SCAPER: variants seen among roughly 807,000 people sequenced by gnomAD.
The protein encoded by SCAPER is S phase cyclin A-associated protein in the endoplasmic reticulum.
SCAPER carries 98 observed loss-of-function variants against 182.2 expected under a neutral mutation model. The ratio of observed to expected loss-of-function variants is 0.54; its 90% CI spans 0.46 to 0.64. The LOEUF (loss-of-function observed/expected upper bound fraction) is 0.64, where lower values mean the gene tolerates loss of function less well. SCAPER is among the 30% of genes least tolerant of loss of function. SCAPER has a pLI of 0.00. For synonymous variants in SCAPER, 605 were observed against 564.6 expected (o/e 1.07, Z -1.01); for missense variants, 1,432 against 1,690.0 (o/e 0.85, Z 2.68).
chr15:76,512,957 G>A (rs1412224322), intron 23 of SCAPER, among the ~76,000 whole-genome samples: 7 of 151,810 alleles, frequency 4.6e-5, no homozygotes. Context: ...TTCTGGTTAT[G>A]TGTACTTCTG....
Position 76,600,451 on chromosome 15 carries a change from ATAT to A in SCAPER, c.2711+21310_2711+21312del, listed in dbSNP as rs1450403252. Among the ~76,000 whole-genome samples the A allele has an allele frequency of 4.3e-4, 11 of 25,754 alleles. 1 individual carries two copies. Among genetic ancestry groups the A allele is most frequent in the Admixed American group, 9.9e-4 (1 of 1,008 alleles). The allele number at this position is 25,754 out of a possible 152,430, so 16.9% of individuals were successfully genotyped here. A position where few individuals can be genotyped will look rare whatever the true frequency, so the allele number is the denominator to read the frequency against. On this transcript the variant is annotated intron_variant, in intron 22 of 31. Coordinates refer to ENST00000563290, the MANE Select transcript of SCAPER (RefSeq NM_020843.4). ...TGTGTATACATATACATATATATAT[ATAT>A]TTTTTTTTTTTTGAGATGAAGTCTC...
intron 4 of SCAPER, among the ~76,000 whole-genome samples, chr15:76,843,065 T>G (rs1260228779): frequency 6.6e-6 from 1 of 152,242 alleles, no homozygotes; most frequent in African/African-American, 2.4e-5. Flanking sequence ...TTATCAAAAC[T>G]ACTACCATTC....
At chr15:76,486,011 T>C (rs968960776) in intron 24 of SCAPER, among the ~76,000 whole-genome samples, 1 of 151,962 alleles carries the variant, frequency 6.6e-6, no homozygotes, top group Non-Finnish European at 1.5e-5. Context: ...AGCAAGACCA[T>C]CCTGGCTAAC....
intron 26 of SCAPER, 46 bp from the exon 27 acceptor site, chr15:76,404,725 C>A: frequency 1.3e-6 from 2 of 1,565,930 alleles, no homozygotes; most frequent in South Asian, 2.3e-5. Flanking sequence ...AATAGGCCAG[C>A]AACATCTTCA....
At chr15:76,802,149 A>T (rs1197233370) in intron 6 of SCAPER, among the ~76,000 whole-genome samples, 2 of 152,130 alleles carry the variant, frequency 1.3e-5, no homozygotes, top group Non-Finnish European at 2.9e-5. Context: ...CAAGTTAAAT[A>T]AAAAAATGAA....
At chr15:76,521,787 G>A (rs908437831) in intron 23 of SCAPER, among the ~76,000 whole-genome samples, 4 of 152,078 alleles carry the variant, frequency 2.6e-5, no homozygotes, top group African/African-American at 9.7e-5. Flanking sequence ...TTAAATAAAT[G>A]TATTAAATTT....
intron 21 of SCAPER, among the ~76,000 whole-genome samples, chr15:76,632,666 TGGA>T (rs950091030): frequency 2.0e-4 from 31 of 152,250 alleles, no homozygotes; most frequent in African/African-American, 7.2e-4. Flanking sequence ...TGTGATCATT[TGGA>T]GGAGAAGAGG....
At chr15:76,448,021 TGAAAGAA>T (rs2048117611) in intron 25 of SCAPER, among the ~76,000 whole-genome samples, 1 of 152,044 alleles carries the variant, frequency 6.6e-6, no homozygotes, top group Non-Finnish European at 1.5e-5. Flanking sequence ...GGAAACAGCA[TGAAAGAA>T]GACAGAAGAG....
At chr15:76,873,274 AAAGGAAGGAAGGAAGG>A (rs1186656853) in intron 2 of SCAPER, among the ~76,000 whole-genome samples, 76 of 105,662 alleles carry the variant, frequency 7.2e-4, no homozygotes, top group African/African-American at 2.3e-3. Context: ...AAAGAAAGGA[AAAGGAAGGAAGGAAGG>A]AAGGAAGGAA....
intron 2 of SCAPER, among the ~76,000 whole-genome samples, chr15:76,865,226 A>G (rs535018695): frequency 3.9e-5 from 6 of 152,308 alleles, no homozygotes; most frequent in East Asian, 1.9e-4. Context: ...ACACTTAAGC[A>G]TATCACAGAA....
intron 24 of SCAPER, among the ~76,000 whole-genome samples, chr15:76,483,584 T>G (rs2051329087): frequency 6.6e-6 from 1 of 151,976 alleles, no homozygotes. Flanking sequence ...AGGAGAAAAA[T>G]ACATGGAAAA....
chr15:76,566,682 A>G (rs1292536517), intron 23 of SCAPER, among the ~76,000 whole-genome samples: 1 of 152,150 alleles, frequency 6.6e-6, no homozygotes, highest in Non-Finnish European at 1.5e-5. Flanking sequence ...ATACTTTTGC[A>G]CATGTAAGAG....
intron 5 of SCAPER, among the ~76,000 whole-genome samples, chr15:76,831,744 G>A (rs923796989): frequency 6.6e-6 from 1 of 152,112 alleles, no homozygotes; most frequent in Admixed American, 6.5e-5. Context: ...TCAGAATGTG[G>A]TTGTCAGCTG....
At chr15:76,400,994 A>G (rs1384430624) in intron 27 of SCAPER, among the ~76,000 whole-genome samples, 1 of 151,762 alleles carries the variant, frequency 6.6e-6, no homozygotes, top group Non-Finnish European at 1.5e-5. Flanking sequence ...ATAAATATAA[A>G]ATTTTGAGTG....
chr15:76,842,337 G>A lies in SCAPER; in HGVS notation c.196-406C>T, dbSNP rs1382891169. The stretch of plus-strand genomic sequence containing the variant: ...CATAATCCCCACGTGTAAAGGGAGA[G>A]ACCAGATGGAGGTAACTGAATCATG... On this transcript the variant is annotated intron_variant, in intron 4 of 31. Transcript: ENST00000563290. Among the ~76,000 whole-genome samples, 7 of 152,128 alleles carry A rather than the reference G, an allele frequency of 4.6e-5. No individual in the cohort carries two copies. In the East Asian group the frequency reaches 1.3e-3, roughly 29 times the overall value.
intron 2 of SCAPER, among the ~76,000 whole-genome samples, chr15:76,864,750 C>A (rs765872369): frequency 6.6e-6 from 1 of 151,824 alleles, no homozygotes; most frequent in Non-Finnish European, 1.5e-5. Context: ...AACAACTACT[C>A]AATTTTGCCA....
chr15:76,506,002 C>T (rs975747814), intron 23 of SCAPER, among the ~76,000 whole-genome samples: 3 of 151,924 alleles, frequency 2.0e-5, no homozygotes, highest in Admixed American at 2.0e-4. Flanking sequence ...TGAAGTAAGA[C>T]GAACTTCACA....
At chr15:76,538,709 A>T (rs2044438009) in intron 23 of SCAPER, among the ~76,000 whole-genome samples, 1 of 123,980 alleles carries the variant, frequency 8.1e-6, no homozygotes. Context: ...TAAAACTTAA[A>T]GTATAATAAT....
intron 23 of SCAPER, among the ~76,000 whole-genome samples, chr15:76,512,587 C>T (rs980291525): frequency 6.6e-6 from 1 of 151,890 alleles, no homozygotes; most frequent in Admixed American, 6.6e-5. Context: ...TGGGTCAGCA[C>T]TGCAGAAGTG....
Sources: allele counts gnomAD v4.1 joint callset (sites outside exome capture counted in the v4.1 genomes callset), GRCh38; gene constraint gnomAD v4.1.1; transcripts MANE v1.5; gene names NCBI Gene and HGNC (gene_info 2026-07-23, HGNC 2026-07-21).